EYS: variants seen among roughly 807,000 people sequenced by gnomAD.
The protein encoded by EYS is protein eyes shut homolog.
In EYS, 250 loss-of-function variants were observed where a neutral mutation model predicts 282.1. The observed-to-expected ratio is 0.89, with a 90% CI of 0.80 to 0.98. EYS has a LOEUF of 0.98. Ranked by LOEUF, EYS falls within the 50% of genes least tolerant of loss-of-function variation. The pLI, the probability that EYS is intolerant of heterozygous loss-of-function variation, is 0.00. For missense variants in EYS, 4,016 were observed against 3,709.0 expected (o/e 1.08, Z -2.15); for synonymous variants, 1,355 against 1,282.9 (o/e 1.06, Z -1.20).
At chr6:63,995,368 G>A (rs1315817498) in intron 34 of EYS, among the ~76,000 whole-genome samples, 1 of 151,992 alleles carries the variant, frequency 6.6e-6, no homozygotes, top group East Asian at 1.9e-4. Flanking sequence ...CTTTATAATT[G>A]TTAAGATGGC....
chr6:64,690,215 A>G (rs2149913748), intron 22 of EYS, among the ~76,000 whole-genome samples: 1 of 152,266 alleles, frequency 6.6e-6, no homozygotes, highest in Non-Finnish European at 1.5e-5. Flanking sequence ...CAGCCAACAA[A>G]CACATGAAAA....
intron 10 of EYS, among the ~76,000 whole-genome samples, chr6:65,337,500 CTACTT>C (rs1269885346): frequency 1.3e-5 from 2 of 151,164 alleles, no homozygotes; most frequent in Non-Finnish European, 3.0e-5. Flanking sequence ...TTTTATGACA[CTACTT>C]TATTTTTCTA....
intron 5 of EYS, among the ~76,000 whole-genome samples, chr6:65,436,688 A>G (rs73741580): frequency 0.013 from 2,000 of 152,282 alleles, 45 homozygotes; most frequent in African/African-American, 0.045. Flanking sequence ...TAGATTGCTG[A>G]GAAAATATCA....
intron 26 of EYS, among the ~76,000 whole-genome samples, chr6:64,534,935 A>T (rs1374160397): frequency 1.3e-5 from 2 of 152,142 alleles, no homozygotes; most frequent in Non-Finnish European, 2.9e-5. Flanking sequence ...GCACACACAC[A>T]TACATACACA....
chr6:65,109,737 T>C (rs1181652070), intron 12 of EYS, among the ~76,000 whole-genome samples: 1 of 152,014 alleles, frequency 6.6e-6, no homozygotes, highest in Non-Finnish European at 1.5e-5. Context: ...TTAGACGTAG[T>C]CCAAAGCCCA....
intron 19 of EYS, among the ~76,000 whole-genome samples, chr6:64,846,366 A>G (rs1406583087): frequency 1.3e-5 from 2 of 152,128 alleles, no homozygotes; most frequent in East Asian, 1.9e-4. Context: ...CTCAAGACTA[A>G]TGGGAAACTG....
chr6:65,530,993 A>G lies in EYS; in HGVS notation c.-332-35000T>C, dbSNP rs117115137. Among the ~76,000 whole-genome samples, 4 of 152,310 alleles carry G rather than the reference A, an allele frequency of 2.6e-5. No homozygotes were observed. The East Asian group carries it at 7.7e-4, about 29-fold the overall frequency. On this transcript the variant is annotated intron_variant, in intron 2 of 42. Coordinates refer to ENST00000503581, the MANE Select transcript of EYS (RefSeq NM_001142800.2). ...ATAATCACTCGCTCCTATAAGAAAA[A>G]TAGTAATAGATTAAAGAATTTTCTG...
intron 11 of EYS, among the ~76,000 whole-genome samples, chr6:65,299,705 T>G (rs931110572): frequency 6.6e-6 from 1 of 151,580 alleles, no homozygotes; most frequent in South Asian, 2.1e-4. Flanking sequence ...TTCTAACTCA[T>G]CCTGCCACCT....
At chr6:65,472,314 C>A (rs1222599737) in intron 5 of EYS, among the ~76,000 whole-genome samples, 1 of 151,968 alleles carries the variant, frequency 6.6e-6, no homozygotes, top group Non-Finnish European at 1.5e-5. Flanking sequence ...TTTGGCAGAT[C>A]CATGTTTTCT....
At chr6:65,648,652 T>C (rs1177628641) in intron 1 of EYS, among the ~76,000 whole-genome samples, 3 of 151,758 alleles carry the variant, frequency 2.0e-5, no homozygotes, top group Non-Finnish European at 4.4e-5. Flanking sequence ...AAATCACCAT[T>C]AGAGTACTTA....
Position 64,071,490 on chromosome 6 carries a change from TATA to T in EYS, c.6572-5002_6572-5000del, listed in dbSNP as rs375732008. The stretch of plus-strand genomic sequence containing the variant: ...CCCTTGAATTGTTTCTTGAACTTGT[TATA>T]ATATCTCACCAGTTACTACATAAAT... On this transcript the variant is annotated intron_variant, in intron 32 of 42. Transcript: ENST00000503581. 6.8e-3 allele frequency among the ~76,000 whole-genome samples: 1,033 copies of T among 151,856 alleles called. 16 individuals are homozygous for T. Among genetic ancestry groups the T allele is most frequent in the African/African-American group, 0.023 (963 of 41,498 alleles).
At chr6:65,585,522 A>G (rs1765015199) in intron 2 of EYS, among the ~76,000 whole-genome samples, 1 of 151,978 alleles carries the variant, frequency 6.6e-6, no homozygotes, top group Non-Finnish European at 1.5e-5. Context: ...TATTCATGTA[A>G]AGAATTTGAA....
chr6:65,606,910 C>T (rs371030283), intron 2 of EYS, among the ~76,000 whole-genome samples: 1 of 150,568 alleles, frequency 6.6e-6, no homozygotes, highest in Non-Finnish European at 1.5e-5. Flanking sequence ...TTTGAATTTA[C>T]TAGTTATTTT....
chr6:64,125,154 G>GCGCGCGCTCTCTCTCTCTCTCTCTCTC (rs1773724746), intron 31 of EYS, among the ~76,000 whole-genome samples: 2 of 145,332 alleles, frequency 1.4e-5, no homozygotes, highest in African/African-American at 5.2e-5. Flanking sequence ...CACACTCTCT[G>GCGCGCGCTCTCTCTCTCTCTCTCTCTC]TCTCTCTCTC....
intron 26 of EYS, among the ~76,000 whole-genome samples, chr6:64,520,270 C>T (rs1352982131): frequency 6.6e-6 from 1 of 151,748 alleles, no homozygotes; most frequent in Non-Finnish European, 1.5e-5. Context: ...CACAAAAATG[C>T]TCCTATGAGT....
At chr6:63,958,157 T>C (rs932336926) in intron 35 of EYS, among the ~76,000 whole-genome samples, 1 of 140,722 alleles carries the variant, frequency 7.1e-6, no homozygotes, top group African/African-American at 2.4e-5. Context: ...ATAATTCATT[T>C]TGAGTGAACA....
At chr6:64,609,086 G>A (rs1294712805) in intron 24 of EYS, among the ~76,000 whole-genome samples, 1 of 152,188 alleles carries the variant, frequency 6.6e-6, no homozygotes, top group Non-Finnish European at 1.5e-5. Flanking sequence ...TTTATTGATT[G>A]TAACAAATGT....
chr6:64,735,724 T>G (rs1037191594), intron 22 of EYS, among the ~76,000 whole-genome samples: 11 of 152,172 alleles, frequency 7.2e-5, no homozygotes, highest in African/African-American at 2.7e-4. Flanking sequence ...TGATGGATAG[T>G]GTCTGACAAA....
At chr6:65,402,666 G>T in intron 6 of EYS, 61 bp from the exon 7 acceptor site, 1 of 1,162,184 alleles carries the variant, frequency 8.6e-7, no homozygotes, top group Non-Finnish European at 1.3e-6. Flanking sequence ...GGTAATGAAT[G>T]GGTTCTTACC....
Sources: allele counts gnomAD v4.1 joint callset (sites outside exome capture counted in the v4.1 genomes callset), GRCh38; gene constraint gnomAD v4.1.1; transcripts MANE v1.5; gene names NCBI Gene and HGNC (gene_info 2026-07-23, HGNC 2026-07-21).